Variants in EFEMP1 observed in about 807,000 individuals in gnomAD.
The protein encoded by EFEMP1 is EGF-like fibulin extracellular matrix protein 1.
A neutral mutation model predicts 65.7 loss-of-function variants in EFEMP1; 18 were observed. The ratio of observed to expected loss-of-function variants is 0.27; its 90% CI spans 0.19 to 0.41. EFEMP1 has a LOEUF of 0.41. Among genes scored for constraint, EFEMP1 ranks in the 10% least tolerant of loss-of-function variants. The pLI, the probability that EFEMP1 is intolerant of heterozygous loss-of-function variation, is 1.00. For missense variants in EFEMP1, 469 were observed against 624.8 expected (o/e 0.75, Z 2.66); for synonymous variants, 237 against 219.7 (o/e 1.08, Z -0.70).
chr2:55,903,299 A>G (rs1319546207), intron 5 of EFEMP1, among the ~76,000 whole-genome samples: 1 of 152,222 alleles, frequency 6.6e-6, no homozygotes, highest in Admixed American at 6.5e-5. Context: ...GAGAAACAGT[A>G]TCTAACCAAA....
rs763367920 is a variant in EFEMP1 at position 55,874,991 on chromosome 2, T to C, written c.955A>G (p.Met319Val). 6.2e-7 allele frequency: 1 copy of C among 1,609,612 alleles called. No individual in the cohort carries two copies. Among genetic ancestry groups the C allele is most frequent in the Non-Finnish European group, 8.5e-7 (1 of 1,177,458 alleles). ...ACCACTTGGTATCCCTGGGGGCACA[T>C]ACATGAGAATTTCCCAGGTTCATTG... Reference protein sequence around the residue: ...CVNEPGKFSCMCPQGYQVVRS... With the variant: ...CVNEPGKFSCVCPQGYQVVRS... The change falls in exon 9 of 12, where the codon ATG becomes GTG. Residue 319 changes from methionine (M) to valine (V), a missense_variant. Coordinates refer to ENST00000355426, the MANE Select transcript of EFEMP1 (RefSeq NM_001039348.3).
rs1668879868 is a variant in EFEMP1, at chr2:55,873,066, C to CCATACA, written c.1000+1879_1000+1880insTGTATG. On this transcript the variant is annotated intron_variant, in intron 9 of 11. Coordinates refer to ENST00000355426, the MANE Select transcript of EFEMP1 (RefSeq NM_001039348.3). The surrounding 1 kb of genome is among the most constrained non-coding windows in gnomAD (Gnocchi z 4.6). ...TTCTTTTGTCTCTCTGTCTCTCTCT[C>CCATACA]CACACACACACACACACACACACAC... 6.9e-6 allele frequency among the ~76,000 whole-genome samples: 1 copy of CCATACA among 145,294 alleles called. No homozygotes were observed. Among genetic ancestry groups the CCATACA allele is most frequent in the African/African-American group, 2.5e-5 (1 of 39,280 alleles).
intron 5 of EFEMP1, among the ~76,000 whole-genome samples, chr2:55,901,520 A>G (rs1250103796): frequency 6.6e-6 from 1 of 152,194 alleles, no homozygotes; most frequent in Non-Finnish European, 1.5e-5. Flanking sequence ...TGCCTGTGCT[A>G]CTGACCACAC....
At chr2:55,906,717 A>C (rs1483255878) in intron 5 of EFEMP1, among the ~76,000 whole-genome samples, 1 of 152,206 alleles carries the variant, frequency 6.6e-6, no homozygotes, top group Non-Finnish European at 1.5e-5. Flanking sequence ...TCTATTTCAG[A>C]CTACTTCCTG....
chr2:55,912,475 C>T lies in EFEMP1; in HGVS notation c.517+5190G>A, dbSNP rs531998979. On this transcript the variant is annotated intron_variant, in intron 5 of 11. Coordinates refer to ENST00000355426, the MANE Select transcript of EFEMP1 (RefSeq NM_001039348.3). ...AGTCAAAGAAAGATATCCCTAGCATCTGAGAAGCTGTATATGTTACTTCAA... is the reference window on the plus strand; with the variant it reads ...AGTCAAAGAAAGATATCCCTAGCATTTGAGAAGCTGTATATGTTACTTCAA... 2.6e-5 allele frequency among the ~76,000 whole-genome samples: 4 copies of T among 152,300 alleles called. No homozygotes were observed. The South Asian group carries it at 8.3e-4, about 32-fold the overall frequency.
chr2:55,887,560 C>T (rs889116291), intron 5 of EFEMP1, among the ~76,000 whole-genome samples: 1 of 152,170 alleles, frequency 6.6e-6, no homozygotes, highest in African/African-American at 2.4e-5. Flanking sequence ...TAGCTTTTCA[C>T]CCTTCTGAAA....
At chr2:55,905,516 C>T (rs1670224842) in intron 5 of EFEMP1, among the ~76,000 whole-genome samples, 4 of 152,220 alleles carry the variant, frequency 2.6e-5, no homozygotes, top group East Asian at 1.9e-4. Flanking sequence ...GGTGCAATCT[C>T]GGCTCACTGC....
chr2:55,894,772 C>T (rs1669752278), intron 5 of EFEMP1, among the ~76,000 whole-genome samples: 1 of 152,120 alleles, frequency 6.6e-6, no homozygotes, highest in South Asian at 2.1e-4. Flanking sequence ...GTGACTGTTT[C>T]TTGTTACTCT....
intron 5 of EFEMP1, among the ~76,000 whole-genome samples, chr2:55,895,023 A>T (rs1669763257): frequency 6.6e-6 from 1 of 152,132 alleles, no homozygotes; most frequent in African/African-American, 2.4e-5. Context: ...CCACCTCTGA[A>T]ATGGTGTGAG....
At position 55,917,594 on chromosome 2, in the gene EFEMP1, TATC is replaced by T. The variant is rs1670744486; in HGVS notation, c.517+68_517+70del. 3 of 1,600,312 alleles carry T rather than the reference TATC, an allele frequency of 1.9e-6. No individual in the cohort carries two copies. Among genetic ancestry groups the T allele is most frequent in the Non-Finnish European group, 8.6e-7 (1 of 1,167,928 alleles). ...GGCACGCGAGAAGTCCTTAATAAATTATCATCATCCTCACCACGAGGTGCACTT... is the reference window on the plus strand; with the variant it reads ...GGCACGCGAGAAGTCCTTAATAAATTATCATCCTCACCACGAGGTGCACTT... On this transcript the variant is annotated intron_variant, in intron 5 of 11. Transcript: ENST00000355426. The surrounding 1 kb of genome is among the most constrained non-coding windows in gnomAD (Gnocchi z 6.3).
rs1669247620 is a variant in EFEMP1, at chr2:55,881,693, C to A, written c.559G>T (p.Asp187Tyr). Residue 187 changes from aspartate to tyrosine, a missense_variant, in exon 6 of 12, where the codon GAC becomes TAC. This residue lies in a region of EFEMP1 where 399 missense variants were observed against 528.2 expected (regional missense o/e 0.76). Coordinates refer to ENST00000355426, the MANE Select transcript of EFEMP1 (RefSeq NM_001039348.3). ...CTAGTHNCRA[D>Y]QVCINLRGSF... Reference sequence around the variant, plus strand: ...CCCCGTAAATTGATGCACACTTGGTCTGCTCTACAGTTGTGCGTCCCTGCA... The same window carrying A: ...CCCCGTAAATTGATGCACACTTGGTATGCTCTACAGTTGTGCGTCCCTGCA... 1.2e-6 allele frequency: 2 copies of A among 1,613,862 alleles called. No homozygotes were observed. The highest frequency in any genetic ancestry group is 1.7e-6 in the Non-Finnish European group (2 of 1,179,910).
At chr2:55,901,240 G>T (rs1415222356) in intron 5 of EFEMP1, among the ~76,000 whole-genome samples, 1 of 152,204 alleles carries the variant, frequency 6.6e-6, no homozygotes, top group Non-Finnish European at 1.5e-5. Context: ...AGCAAGAGCA[G>T]TGTTTATTAA....
intron 5 of EFEMP1, among the ~76,000 whole-genome samples, chr2:55,901,914 C>T (rs375671497): frequency 1.1e-4 from 16 of 152,334 alleles, no homozygotes; most frequent in African/African-American, 3.8e-4. Flanking sequence ...TTGTGAGATG[C>T]TCTATGGAGA....
At chr2:55,899,718 G>A (rs1200711803) in intron 5 of EFEMP1, among the ~76,000 whole-genome samples, 1 of 152,118 alleles carries the variant, frequency 6.6e-6, no homozygotes, top group Admixed American at 6.5e-5. Flanking sequence ...TGACCACCTG[G>A]CCACACCATA....
chr2:55,875,034 C>T lies in EFEMP1; in HGVS notation c.912G>A (p.Leu304=), dbSNP rs143083501. 5.6e-6 allele frequency: 9 copies of T among 1,606,586 alleles called. No individual in the cohort carries two copies. Among genetic ancestry groups the T allele is most frequent in the Non-Finnish European group, 7.7e-6 (9 of 1,175,878 alleles). ...GTTCATTGACACATTGATATTGACA[C>T]AGGTAGCTTGAGGTTCTGCATTCAT... The part of the protein sequence containing the change: ...DIDECRTSSY[L]CQYQCVNEPG... The change falls in exon 9 of 12, where the codon CTG becomes CTA. Residue 304 remains leucine (L), a synonymous_variant. Transcript: ENST00000355426.
At chr2:55,874,571 G>A (rs980753347) in intron 9 of EFEMP1, among the ~76,000 whole-genome samples, 6 of 151,980 alleles carry the variant, frequency 3.9e-5, no homozygotes, top group South Asian at 2.1e-4. Flanking sequence ...GGCTAAGACT[G>A]GATGGAGGTA....
intron 5 of EFEMP1, among the ~76,000 whole-genome samples, chr2:55,905,116 T>G (rs1288710244): frequency 6.6e-6 from 1 of 152,066 alleles, no homozygotes; most frequent in African/African-American, 2.4e-5. Flanking sequence ...TGATTCTTCT[T>G]TTCCTATCTT....
chr2:55,909,138 T>C (rs907956003), intron 5 of EFEMP1, among the ~76,000 whole-genome samples: 4 of 152,288 alleles, frequency 2.6e-5, no homozygotes, highest in Admixed American at 6.5e-5. Flanking sequence ...ACATTTATAG[T>C]TGGGAAATAT....
Position 55,917,933 on chromosome 2 carries a change from C to T in EFEMP1, c.249G>A (p.Gln83=), listed in dbSNP as rs1008683969. Residue 83 remains glutamine (Q), a synonymous_variant, in exon 5 of 12, where the codon CAG becomes CAA. Coordinates refer to ENST00000355426, the MANE Select transcript of EFEMP1 (RefSeq NM_001039348.3). The surrounding 1 kb of genome is among the most constrained non-coding windows in gnomAD (Gnocchi z 6.3). The part of the protein sequence containing the change: ...KTAQIIVNNE[Q]PQQETQPAEG... ...CTGCTGGTTGTGTTTCCTGCTGAGG[C>T]TGTTCATTATTGACAATAATCTGGG... 6.2e-7 allele frequency: 1 copy of T among 1,614,214 alleles called. No homozygotes were observed. Among genetic ancestry groups the T allele is most frequent in the Middle Eastern group, 1.6e-4 (1 of 6,062 alleles).
Sources: allele counts gnomAD v4.1 joint callset (sites outside exome capture counted in the v4.1 genomes callset), GRCh38; gene constraint gnomAD v4.1.1; regional missense constraint gnomAD v4.1.1; non-coding constraint Gnocchi (gnomAD v3.1); transcripts MANE v1.5; gene names NCBI Gene and HGNC (gene_info 2026-07-23, HGNC 2026-07-21).